Variants in PMM2 observed in about 807,000 individuals in gnomAD.
The protein encoded by PMM2 is mannose-6-phosphate isomerase.
Under a neutral mutation model 33.2 loss-of-function variants are expected in PMM2, and 35 were observed. The observed-to-expected ratio is 1.06, with a 90% CI of 0.81 to 1.40. PMM2 has a LOEUF of 1.40. Ranked by LOEUF, PMM2 falls within the 40% of genes most tolerant of loss-of-function variation. PMM2 has a pLI of 0.00. For missense variants in PMM2, 386 were observed against 306.0 expected (o/e 1.26, Z -1.95); for synonymous variants, 153 against 114.7 (o/e 1.33, Z -2.13).
At chr16:8,804,022 G>GTTTTTTTTTTTTTTTTTTTTTTTTTTTT (rs770345977) in intron 2 of PMM2, among the ~76,000 whole-genome samples, 1 of 25,992 alleles carries the variant, frequency 3.8e-5, no homozygotes, top group African/African-American at 1.3e-4. Context: ...TGTTTTTTGG[G>GTTTTTTTTTTTTTTTTTTTTTTTTTTTT]TTTTTTTTGT....
intron 3 of PMM2, among the ~76,000 whole-genome samples, chr16:8,806,008 T>C (rs1299437108): frequency 6.6e-6 from 1 of 152,194 alleles, no homozygotes; most frequent in Non-Finnish European, 1.5e-5. Flanking sequence ...CTGGAGATAT[T>C]TTAATTGAAT....
At chr16:8,812,920 T>G (rs77487850) in intron 6 of PMM2, 71 bp from the exon 7 acceptor site, 1 of 891,358 alleles carries the variant, frequency 1.1e-6, no homozygotes, top group East Asian at 2.4e-5. Context: ...GAGTAAATTG[T>G]TTTTTTCAGT....
chr16:8,820,818 T>C (rs950078747), intron 7 of PMM2, among the ~76,000 whole-genome samples: 1 of 152,220 alleles, frequency 6.6e-6, no homozygotes, highest in African/African-American at 2.4e-5. Context: ...ATTCAAAGGC[T>C]CATCTGTTAT....
At chr16:8,836,575 C>T (rs1377304364) in intron 7 of PMM2, among the ~76,000 whole-genome samples, 1 of 152,014 alleles carries the variant, frequency 6.6e-6, no homozygotes, top group Non-Finnish European at 1.5e-5. Flanking sequence ...GGGTTTGTCT[C>T]ACAGTGGAGG....
chr16:8,835,365 G>A (rs1322022095), intron 7 of PMM2, among the ~76,000 whole-genome samples: 1 of 151,888 alleles, frequency 6.6e-6, no homozygotes, highest in Non-Finnish European at 1.5e-5. Flanking sequence ...ATTTGGGCTT[G>A]ACTGAAGTAG....
At chr16:8,840,559 A>G (rs9796776) in intron 7 of PMM2, among the ~76,000 whole-genome samples, 143,446 of 151,978 alleles carry the variant, frequency 0.94, 67,876 homozygotes, top group East Asian at 0.97. Flanking sequence ...AAGGACGAAA[A>G]ACCTAATAGA....
rs2060678796 is a variant in PMM2, at chr16:8,811,682, G to A, written c.492G>A (p.Glu164=). ...AGTTTGTAGCAGATCTACGGAAAGA[G>A]TTTGCTGGAAAAGGCCTCACGTTTT... ...RQKFVADLRK[E]FAGKGLTFSI... Residue 164 remains glutamate, a synonymous_variant, in exon 6 of 8, where the codon GAG becomes GAA. Coordinates refer to ENST00000268261, the MANE Select transcript of PMM2 (RefSeq NM_000303.3). The A allele has an allele frequency of 6.2e-7, 1 of 1,613,378 alleles. No homozygotes were observed. Among genetic ancestry groups the A allele is most frequent in the African/African-American group, 1.3e-5 (1 of 74,924 alleles).
chr16:8,832,500 C>T, intron 7 of PMM2: 1 of 985,450 alleles, frequency 1.0e-6, no homozygotes, highest in Middle Eastern at 5.2e-4. Flanking sequence ...CGTTAGGCCT[C>T]TGTCCCTGCA....
chr16:8,842,986 G>GA (rs1166657438), intron 7 of PMM2, among the ~76,000 whole-genome samples: 1 of 152,284 alleles, frequency 6.6e-6, no homozygotes, highest in East Asian at 1.9e-4. Flanking sequence ...TTGGGTTGGG[G>GA]AGAAGGGCGG....
intron 7 of PMM2, chr16:8,832,742 G>A (rs749732966): frequency 6.1e-6 from 6 of 985,130 alleles, no homozygotes; most frequent in Admixed American, 6.2e-5. Context: ...GGCTTCAGGC[G>A]GCTACCCGTG....
At chr16:8,802,439 C>G (rs888713997) in intron 2 of PMM2, 17 of 374,404 alleles carry the variant, frequency 4.5e-5, no homozygotes, top group African/African-American at 3.2e-4. Context: ...ATGTAGCATT[C>G]TGTAATTATT....
chr16:8,807,101 ATTC>A (rs1457826558), intron 4 of PMM2: 2 of 151,738 alleles, frequency 1.3e-5, no homozygotes, highest in African/African-American at 4.9e-5. Flanking sequence ...GGTTCAAGCA[ATTC>A]TTCTGCCTCA....
In PMM2 at chr16:8,813,048, G is replaced by C; in HGVS notation, c.581G>C (p.Arg194Pro). The C allele has an allele frequency of 6.2e-7, 1 of 1,613,770 alleles. No homozygotes were observed. Among genetic ancestry groups the C allele is most frequent in the Non-Finnish European group, 8.5e-7 (1 of 1,179,634 alleles). ...PDGWDKRYCLRHVENDGYKTI... is the reference protein window; with the variant it reads ...PDGWDKRYCLPHVENDGYKTI... ...GGATGGGACAAGAGATACTGTCTGC[G>C]ACATGTGGAAAATGACGGTTATAAG... is the stretch of plus-strand genomic sequence containing the variant. The change falls in exon 7 of 8, where the codon CGA (arginine) becomes CCA (proline). Residue 194 changes from arginine (R) to proline (P), a missense_variant. Physicochemically the swap from Arg to Pro is moderately radical, Grantham distance 103. Coordinates refer to ENST00000268261, the MANE Select transcript of PMM2 (RefSeq NM_000303.3).
intron 7 of PMM2, among the ~76,000 whole-genome samples, chr16:8,831,165 A>G (rs1382213349): frequency 6.6e-6 from 1 of 152,234 alleles, no homozygotes; most frequent in Non-Finnish European, 1.5e-5. Context: ...AAGTTGAACT[A>G]TAAACTGAAT....
chr16:8,846,503 C>T lies in PMM2; in HGVS notation c.640-1221C>T, dbSNP rs1567171546. ...GCAGGGCTCGGGGTTGCGGGAGCGG[C>T]AGATAACCTGATTCATTAACGTGAG... On this transcript the variant is annotated intron_variant, in intron 7 of 7. Transcript: ENST00000268261. 2.6e-5 allele frequency among the ~76,000 whole-genome samples: 4 copies of T among 152,012 alleles called. No individual in the cohort carries two copies. In the South Asian group the frequency reaches 8.3e-4, roughly 32 times the overall value.
At chr16:8,823,874 C>T (rs1007247855) in intron 7 of PMM2, among the ~76,000 whole-genome samples, 6 of 152,178 alleles carry the variant, frequency 3.9e-5, no homozygotes, top group African/African-American at 1.2e-4. Flanking sequence ...TCTATTGGCT[C>T]TGTTAGTCAA....
Position 8,802,722 on chromosome 16 carries a change from C to T in PMM2, c.178+812C>T, listed in dbSNP as rs2060623127. On this transcript the variant is annotated intron_variant, in intron 2 of 7. Coordinates refer to ENST00000268261, the MANE Select transcript of PMM2 (RefSeq NM_000303.3). ...ACGGGCACCTGTAATCCCAGCTACT[C>T]AGGAGGCCGAGGCAGGAGAATTGCT... 3.3e-5 allele frequency among the ~76,000 whole-genome samples: 5 copies of T among 151,810 alleles called. No homozygotes were observed. The South Asian group carries it at 8.3e-4, about 25-fold the overall frequency.
intron 7 of PMM2, among the ~76,000 whole-genome samples, chr16:8,837,760 G>T (rs1050298439): frequency 3.3e-5 from 5 of 152,028 alleles, no homozygotes; most frequent in Non-Finnish European, 7.4e-5. Context: ...GCCGCTAAGG[G>T]TGAAGGACCA....
intron 7 of PMM2, among the ~76,000 whole-genome samples, chr16:8,821,797 G>C (rs974276712): frequency 6.6e-6 from 1 of 152,188 alleles, no homozygotes; most frequent in South Asian, 2.1e-4. Flanking sequence ...GATATATATT[G>C]GAATCACCTG....
Sources: allele counts gnomAD v4.1 joint callset (sites outside exome capture counted in the v4.1 genomes callset), GRCh38; gene constraint gnomAD v4.1.1; transcripts MANE v1.5; gene names NCBI Gene and HGNC (gene_info 2026-07-23, HGNC 2026-07-21).